NHLRC2: variants seen among roughly 807,000 people sequenced by gnomAD.
The protein encoded by NHLRC2 is NHL repeat containing 2, also known as NHL repeat-containing protein 2.
NHLRC2 carries 33 observed loss-of-function variants against 68.1 expected under a neutral mutation model. The observed-to-expected ratio is 0.48, with a 90% CI of 0.37 to 0.65. The LOEUF is 0.65. Among genes scored for constraint, NHLRC2 ranks in the 30% least tolerant of loss-of-function variants. NHLRC2 has a pLI of 0.00. For synonymous variants in NHLRC2, 311 were observed against 309.6 expected (o/e 1.00, Z -0.05); for missense variants, 761 against 853.8 (o/e 0.89, Z 1.35).
In NHLRC2 at chr10:113,904,909, A is replaced by G; in HGVS notation, c.1797A>G (p.Pro599=). ...TACCCAAACTACCTAAATCTGCTCC[A>G]AGCATTAGGCTTTCCCCCGTGACTG... The part of the protein sequence containing the change: ...KTLPKLPKSA[P]SIRLSPVTAC... The change falls in exon 10 of 11, where the codon CCA becomes CCG. Residue 599 remains proline (P), a synonymous_variant. Transcript: ENST00000369301. 1.2e-6 allele frequency: 2 copies of G among 1,610,634 alleles called. No individual in the cohort carries two copies. Among genetic ancestry groups the G allele is most frequent in the Non-Finnish European group, 1.7e-6 (2 of 1,178,862 alleles).
At chr10:113,862,400 CA>C (rs536515196) in intron 2 of NHLRC2, among the ~76,000 whole-genome samples, 5 of 93,920 alleles carry the variant, frequency 5.3e-5, no homozygotes, top group South Asian at 3.2e-4. Flanking sequence ...CTGGTTACCA[CA>C]AAAAAAAAGA....
At chr10:113,881,696 C>T (rs1379010879) in intron 4 of NHLRC2, among the ~76,000 whole-genome samples, 1 of 151,574 alleles carries the variant, frequency 6.6e-6, no homozygotes, top group Non-Finnish European at 1.5e-5. Flanking sequence ...TTTTTAGTTA[C>T]TTTATTGTGC....
chr10:113,893,217 GAA>G (rs1266040956), intron 5 of NHLRC2, among the ~76,000 whole-genome samples: 1 of 152,138 alleles, frequency 6.6e-6, no homozygotes, highest in African/African-American at 2.4e-5. Flanking sequence ...ATCACAGACA[GAA>G]ATGCACTTGA....
At chr10:113,861,920 C>A (rs1200555403) in intron 2 of NHLRC2, among the ~76,000 whole-genome samples, 2 of 151,876 alleles carry the variant, frequency 1.3e-5, no homozygotes, top group Admixed American at 6.6e-5. Context: ...ATTCCCCAGG[C>A]TAGAGTGTAG....
rs1043094265 is a variant in NHLRC2, at chr10:113,916,777, A to G, written c.*8241A>G. 12 of 152,178 alleles carry G rather than the reference A, an allele frequency of 7.9e-5. No homozygotes were observed. Among genetic ancestry groups the G allele is most frequent in the African/African-American group, 2.9e-4 (12 of 41,444 alleles). The allele number at this position is 152,178 out of a possible 1,614,324, so 9.4% of individuals were successfully genotyped here. ...AGAGTTGGTCTGCTGTGCTAACTTC[A>G]TGTTTCTTATTCCAAAGGCTTGATT... On this transcript the variant is annotated 3_prime_UTR_variant, in exon 11 of 11. Transcript: ENST00000369301.
intron 2 of NHLRC2, among the ~76,000 whole-genome samples, chr10:113,865,171 G>A (rs942497068): frequency 6.6e-6 from 1 of 151,708 alleles, no homozygotes; most frequent in Non-Finnish European, 1.5e-5. Flanking sequence ...GGATGGTCTC[G>A]ATCTTCTGAC....
chr10:113,855,063 C>A lies in NHLRC2; in HGVS notation c.178+13C>A, dbSNP rs1488588869. On this transcript the variant is annotated intron_variant, in intron 1 of 10. Transcript: ENST00000369301. ...GAGTTTCCGGAAGGTGAGGGGCTGG[C>A]GTCGGGGTGGGGGCCCCTCCCGGCA... is the stretch of plus-strand genomic sequence containing the variant. 6.5e-7 allele frequency: 1 copy of A among 1,549,362 alleles called. No homozygotes were observed. The highest frequency in any genetic ancestry group is 1.2e-5 in the South Asian group (1 of 83,976).
chr10:113,859,314 AAAG>A (rs1167746793), intron 2 of NHLRC2, among the ~76,000 whole-genome samples: 1 of 152,170 alleles, frequency 6.6e-6, no homozygotes, highest in Non-Finnish European at 1.5e-5. Context: ...CTTTCTAAAA[AAAG>A]AACATGGGAG....
In NHLRC2 at chr10:113,908,301, G is replaced by T. The variant is rs1434316134; in HGVS notation, c.1946G>T (p.Gly649Val). The T allele has an allele frequency of 6.2e-7, 1 of 1,613,430 alleles. No homozygotes were observed. The highest frequency in any genetic ancestry group is 1.1e-5 in the South Asian group (1 of 91,062). ...TTAGGCAATGAATGGCTACTTCAAG[G>T]ACAGATAGCAGCTGGAGATATAGAG... is the stretch of plus-strand genomic sequence containing the variant. ...TAEGNEWLLQ[G>V]QIAAGDIENI... The change falls in exon 11 of 11, where the codon GGA becomes GTA. Residue 649 changes from glycine (G) to valine (V), a missense_variant. By Grantham distance (109) the Gly-to-Val change is moderately radical. Coordinates refer to ENST00000369301, the MANE Select transcript of NHLRC2 (RefSeq NM_198514.4).
Position 113,908,418 on chromosome 10 carries a change from A to G in NHLRC2, c.2063A>G (p.Tyr688Cys). Residue 688 changes from tyrosine (Y) to cysteine (C), a missense_variant, in exon 11 of 11, where the codon TAC becomes TGC. By Grantham distance (194) the Tyr-to-Cys change is radical. Coordinates refer to ENST00000369301, the MANE Select transcript of NHLRC2 (RefSeq NM_198514.4). ...GTATCTGTCAGTGTGTTTCTTTATT[A>G]CTGTAGTGCAGACAGCAGTGCTTGT... Reference protein sequence around the residue: ...AIVSVSVFLYYCSADSSACMM... With the variant: ...AIVSVSVFLYCCSADSSACMM... 1 of 1,614,050 alleles carries G rather than the reference A, an allele frequency of 6.2e-7. No individual in the cohort carries two copies. The highest frequency in any genetic ancestry group is 8.5e-7 in the Non-Finnish European group (1 of 1,179,938).
chr10:113,895,684 G>C (rs1298119940), intron 5 of NHLRC2, among the ~76,000 whole-genome samples: 1 of 152,104 alleles, frequency 6.6e-6, no homozygotes, highest in Non-Finnish European at 1.5e-5. Flanking sequence ...CTTATGTAGA[G>C]AGTGATGATG....
chr10:113,901,163 C>T (rs1846224801), intron 6 of NHLRC2, among the ~76,000 whole-genome samples: 1 of 152,032 alleles, frequency 6.6e-6, no homozygotes, highest in African/African-American at 2.4e-5. Flanking sequence ...TCTGACCTGG[C>T]CAACTTTCAA....
At chr10:113,889,714 CTGT>C (rs1348789498) in intron 5 of NHLRC2, among the ~76,000 whole-genome samples, 5 of 152,218 alleles carry the variant, frequency 3.3e-5, no homozygotes, top group Admixed American at 6.5e-5. Flanking sequence ...ATTTCATAGC[CTGT>C]TGTTGAGTCT....
intron 6 of NHLRC2, among the ~76,000 whole-genome samples, chr10:113,899,851 G>T (rs1393778761): frequency 6.6e-6 from 1 of 152,022 alleles, no homozygotes; most frequent in African/African-American, 2.4e-5. Flanking sequence ...CCAGGAGGCG[G>T]AAGGTTGCAG....
At chr10:113,871,708 C>G (rs1009866085) in intron 2 of NHLRC2, among the ~76,000 whole-genome samples, 10 of 152,252 alleles carry the variant, frequency 6.6e-5, no homozygotes, top group Non-Finnish European at 8.8e-5. Context: ...AAGAATCTAT[C>G]TGTGCTACTT....
intron 3 of NHLRC2, among the ~76,000 whole-genome samples, chr10:113,878,248 C>T (rs1481118156): frequency 6.6e-6 from 1 of 152,084 alleles, no homozygotes; most frequent in Non-Finnish European, 1.5e-5. Context: ...ATTTTCCAAT[C>T]TCATGTAACC....
rs180944284 is a variant in NHLRC2 at position 113,914,225 on chromosome 10, G to C, written c.*5689G>C. On this transcript the variant is annotated 3_prime_UTR_variant, in exon 11 of 11. Coordinates refer to ENST00000369301, the MANE Select transcript of NHLRC2 (RefSeq NM_198514.4). ...ATGGAGTTTTGCTCTTGTTGCCCAG[G>C]CTGGAGTGCCATGGCAACACAGCCT... 1 of 152,910 alleles carries C rather than the reference G, an allele frequency of 6.5e-6. No individual in the cohort carries two copies. Among genetic ancestry groups the C allele is most frequent in the Non-Finnish European group, 1.5e-5 (1 of 68,802 alleles). 9.5% of individuals were successfully genotyped at this position (152,910 alleles called of 1,614,324 possible).
chr10:113,854,716 ATGCTTTAAAAAGAAAAAAG>A lies in NHLRC2; in HGVS notation c.-154_-136del. 1 of 618,024 alleles carries A rather than the reference ATGCTTTAAAAAGAAAAAAG, an allele frequency of 1.6e-6. No individual in the cohort carries two copies. Among genetic ancestry groups the A allele is most frequent in the East Asian group, 2.9e-5 (1 of 34,374 alleles). 38.3% of individuals were successfully genotyped at this position (618,024 alleles called of 1,614,324 possible). Reference sequence around the variant, plus strand: ...ATTTGGACTTTTGGCACTTGGACCTATGCTTTAAAAAGAAAAAAGTGTCATTGGCGTGGAGTGGGGCTAG... The same window carrying A: ...ATTTGGACTTTTGGCACTTGGACCTATGTCATTGGCGTGGAGTGGGGCTAG... On this transcript the variant is annotated 5_prime_UTR_variant, in exon 1 of 11. The change abolishes the stop of an existing upstream ORF in the 5' untranslated region. Coordinates refer to ENST00000369301, the MANE Select transcript of NHLRC2 (RefSeq NM_198514.4).
intron 2 of NHLRC2, among the ~76,000 whole-genome samples, chr10:113,872,247 G>T (rs978506698): frequency 4.6e-5 from 7 of 152,074 alleles, no homozygotes; most frequent in Admixed American, 3.9e-4. Context: ...GAAGGAAAAG[G>T]TAAGGTTCTA....
Sources: allele counts gnomAD v4.1 joint callset (sites outside exome capture counted in the v4.1 genomes callset), GRCh38; gene constraint gnomAD v4.1.1; transcripts MANE v1.5; gene names NCBI Gene and HGNC (gene_info 2026-07-23, HGNC 2026-07-21).